Variants in POT1 observed in about 807,000 individuals in gnomAD.
The protein encoded by POT1 is protection of telomeres 1.
Under a neutral mutation model 78.5 loss-of-function variants are expected in POT1, and 47 were observed. That is an observed-to-expected ratio of 0.60 (90% CI 0.47 to 0.76). POT1 has a LOEUF of 0.76. Ranked by LOEUF, POT1 falls within the 30% of genes least tolerant of loss-of-function variation. The pLI is 0.00. For missense variants in POT1, 646 were observed against 749.9 expected (o/e 0.86, Z 1.62); for synonymous variants, 259 against 260.7 (o/e 0.99, Z 0.06).
At chr7:124,836,824 T>C (rs1794910506) in intron 14 of POT1, among the ~76,000 whole-genome samples, 1 of 152,246 alleles carries the variant, frequency 6.6e-6, no homozygotes, top group Non-Finnish European at 1.5e-5. Flanking sequence ...TTACTATCAA[T>C]ATTTTAGTGA....
At chr7:124,825,497 A>G in intron 17 of POT1, 140 bp from the exon 18 acceptor site, 1 of 512,852 alleles carries the variant, frequency 1.9e-6, no homozygotes. Flanking sequence ...GAATTCATAA[A>G]CTAGAATGCT....
Position 124,853,121 on chromosome 7 carries a change from T to G in POT1, c.720A>C (p.Arg240Ser), listed in dbSNP as rs766211616. The change falls in exon 10 of 19, where the codon AGA (arginine) becomes AGC (serine). Residue 240 changes from arginine to serine, a missense_variant. Coordinates refer to ENST00000357628, the MANE Select transcript of POT1 (RefSeq NM_015450.3). ...ARSLKVGSFL[R>S]IYSLHTKLQS... is the part of the protein sequence containing the mutation. ...GAAGTTTGGTATGAAGGCTATAGAT[T>G]CTAAGAAAGCTTCCAACCTAAAAAA... The G allele has an allele frequency of 6.3e-7, 1 of 1,589,496 alleles. No homozygotes were observed. The highest frequency in any genetic ancestry group is 1.7e-5 in the Admixed American group (1 of 57,498).
chr7:124,885,160 CA>C (rs1213587042), intron 6 of POT1, among the ~76,000 whole-genome samples: 1 of 151,974 alleles, frequency 6.6e-6, no homozygotes, highest in Non-Finnish European at 1.5e-5. Flanking sequence ...GAGTCATTAT[CA>C]AAACCAATTT....
At chr7:124,860,302 G>A (rs899017277) in intron 8 of POT1, among the ~76,000 whole-genome samples, 3 of 151,990 alleles carry the variant, frequency 2.0e-5, no homozygotes, top group African/African-American at 7.2e-5. Context: ...CTCAACAAGT[G>A]TATGTCTATA....
intron 6 of POT1, among the ~76,000 whole-genome samples, chr7:124,879,728 A>C (rs115442549): frequency 2.0e-3 from 312 of 152,254 alleles, no homozygotes; most frequent in African/African-American, 7.2e-3. Flanking sequence ...TGAGAGGGAA[A>C]ATTCATTCTT....
intron 14 of POT1, among the ~76,000 whole-genome samples, chr7:124,838,289 TAAC>T (rs1228527198): frequency 6.6e-6 from 1 of 151,578 alleles, no homozygotes; most frequent in Non-Finnish European, 1.5e-5. Flanking sequence ...ATTCCTGAAA[TAAC>T]AAGCAATTAT....
At chr7:124,835,216 C>A in intron 15 of POT1, 63 bp downstream of exon 15, 1 of 1,579,248 alleles carries the variant, frequency 6.3e-7, no homozygotes, top group East Asian at 2.3e-5. Flanking sequence ...ATGTTCAGCA[C>A]ATGACCCCAG....
chr7:124,854,353 C>T (rs1795390623), intron 9 of POT1, among the ~76,000 whole-genome samples: 1 of 151,860 alleles, frequency 6.6e-6, no homozygotes, highest in African/African-American at 2.4e-5. Context: ...AAAGGGTTCA[C>T]TCGCATACTG....
At chr7:124,918,353 C>T (rs1156976735) in intron 2 of POT1, among the ~76,000 whole-genome samples, 1 of 152,124 alleles carries the variant, frequency 6.6e-6, no homozygotes, top group African/African-American at 2.4e-5. Context: ...AGAGGGGGGA[C>T]CAACAATTAT....
chr7:124,852,723 T>C (rs867764647), intron 10 of POT1, among the ~76,000 whole-genome samples: 11 of 152,110 alleles, frequency 7.2e-5, no homozygotes, highest in African/African-American at 1.4e-4. Flanking sequence ...TGGTAAATGA[T>C]AGAAGAGAAG....
At chr7:124,859,570 T>C (rs1350265792) in intron 8 of POT1, among the ~76,000 whole-genome samples, 2 of 152,100 alleles carry the variant, frequency 1.3e-5, no homozygotes, top group Non-Finnish European at 2.9e-5. Context: ...GATGTTTCCA[T>C]ACAAAGAAGT....
intron 5 of POT1, among the ~76,000 whole-genome samples, chr7:124,895,173 G>A (rs1158705685): frequency 6.6e-6 from 1 of 151,552 alleles, no homozygotes; most frequent in Non-Finnish European, 1.5e-5. Flanking sequence ...AATATGACTA[G>A]TGCAAATCAT....
chr7:124,863,200 T>G (rs540780185), intron 8 of POT1, 150 bp downstream of exon 8: 1 of 701,984 alleles, frequency 1.4e-6, no homozygotes, highest in East Asian at 2.7e-5. Context: ...TAGAGCTGCA[T>G]GAATATTGAG....
intron 11 of POT1, 90 bp downstream of exon 11, chr7:124,851,782 A>G (rs1327154292): frequency 2.2e-6 from 2 of 921,168 alleles, no homozygotes; most frequent in Admixed American, 4.2e-5. Context: ...TTAATAAGAG[A>G]GACAAAGAGA....
chr7:124,884,458 T>TA (rs1796195616), intron 6 of POT1, among the ~76,000 whole-genome samples: 1 of 152,088 alleles, frequency 6.6e-6, no homozygotes, highest in African/African-American at 2.4e-5. Context: ...CCAAGACTGC[T>TA]AAACAAACTA....
At chr7:124,881,724 A>AT (rs1224036797) in intron 6 of POT1, among the ~76,000 whole-genome samples, 1 of 151,942 alleles carries the variant, frequency 6.6e-6, no homozygotes, top group Non-Finnish European at 1.5e-5. Flanking sequence ...CCCATGCCTT[A>AT]TTTTTTGCTC....
At chr7:124,900,165 T>C (rs1328584472) in intron 3 of POT1, among the ~76,000 whole-genome samples, 2 of 152,170 alleles carry the variant, frequency 1.3e-5, no homozygotes, top group Non-Finnish European at 2.9e-5. Flanking sequence ...AGTGATCTCA[T>C]CCCAAGCAAC....
At chr7:124,895,343 A>T (rs1003409493) in intron 5 of POT1, among the ~76,000 whole-genome samples, 1 of 151,530 alleles carries the variant, frequency 6.6e-6, no homozygotes, top group Non-Finnish European at 1.5e-5. Context: ...AGACATGAAC[A>T]ATTTTTTTTT....
intron 2 of POT1, among the ~76,000 whole-genome samples, chr7:124,916,502 CTGAGGAAAGCA>C (rs1797018215): frequency 6.6e-6 from 1 of 152,046 alleles, no homozygotes; most frequent in East Asian, 1.9e-4. Context: ...AAGCAGAAAT[CTGAGGAAAGCA>C]AGTAATTCTC....
Sources: allele counts gnomAD v4.1 joint callset (sites outside exome capture counted in the v4.1 genomes callset), GRCh38; gene constraint gnomAD v4.1.1; transcripts MANE v1.5; gene names NCBI Gene and HGNC (gene_info 2026-07-23, HGNC 2026-07-21).